ARIH2: variants seen among roughly 807,000 people sequenced by gnomAD.
ARIH2 encodes ariadne RBR E3 ubiquitin protein ligase 2, also known as E3 ubiquitin-protein ligase ARIH2.
Under a neutral mutation model 79.8 loss-of-function variants are expected in ARIH2, and 12 were observed. The ratio of observed to expected loss-of-function variants is 0.15; its 90% CI spans 0.10 to 0.24. The LOEUF (loss-of-function observed/expected upper bound fraction) is 0.24. ARIH2 is among the 10% of genes least tolerant of loss of function. ARIH2 has a pLI of 1.00. For synonymous variants in ARIH2, 224 were observed against 213.9 expected (o/e 1.05, Z -0.41); for missense variants, 301 against 618.3 (o/e 0.49, Z 5.44).
At chr3:48,942,737 C>T (rs576630887) in intron 3 of ARIH2, among the ~76,000 whole-genome samples, 15 of 151,514 alleles carry the variant, frequency 9.9e-5, no homozygotes, top group South Asian at 2.1e-4. Flanking sequence ...CTGCAACCTC[C>T]GCCTCCCAGG....
At chr3:48,933,749 C>T (rs1349935268) in intron 3 of ARIH2, among the ~76,000 whole-genome samples, 1 of 151,490 alleles carries the variant, frequency 6.6e-6, no homozygotes, top group East Asian at 1.9e-4. Flanking sequence ...GACGGGCTTT[C>T]ACCTTGTTTG....
chr3:48,927,961 G>T, intron 3 of ARIH2, 148 bp downstream of exon 3: 1 of 983,560 alleles, frequency 1.0e-6, no homozygotes, highest in Non-Finnish European at 1.5e-6. Flanking sequence ...TGGACATTTT[G>T]TTACATTTAC....
chr3:48,961,597 C>A lies in ARIH2; in HGVS notation c.256-15C>A, dbSNP rs755186223. ...ATGCAGTTATAATTCGATTTTTTTT[C>A]TTTCTTCTTTCTAGGTATCTCATTC... On this transcript the variant is annotated splice_polypyrimidine_tract_variant and intron_variant, in intron 3 of 15. Transcript: ENST00000356401. The A allele has an allele frequency of 3.3e-6, 5 of 1,536,508 alleles. No homozygotes were observed. The highest frequency in any genetic ancestry group is 2.3e-5 in the East Asian group (1 of 44,418).
intron 2 of ARIH2, among the ~76,000 whole-genome samples, chr3:48,926,257 G>C (rs994174661): frequency 3.3e-5 from 5 of 151,238 alleles, no homozygotes; most frequent in Admixed American, 2.6e-4. Context: ...GTGTGTGTGT[G>C]TGTGTGTGTA....
rs1385462870 is a variant in ARIH2 at position 48,985,424 on chromosome 3, T to C, written c.*2154T>C. On this transcript the variant is annotated 3_prime_UTR_variant, in exon 16 of 16. Coordinates refer to ENST00000356401, the MANE Select transcript of ARIH2 (RefSeq NM_006321.4). Reference sequence around the variant, plus strand: ...GTGGAAGAGAAAGGACACAGTATTTTCATGAATTTACCATATATCTTTGTT... The same window carrying C: ...GTGGAAGAGAAAGGACACAGTATTTCCATGAATTTACCATATATCTTTGTT... 6.6e-6 allele frequency: 1 copy of C among 152,246 alleles called. No individual in the cohort carries two copies. Among genetic ancestry groups the C allele is most frequent in the South Asian group, 2.1e-4 (1 of 4,834 alleles). 9.4% of individuals were successfully genotyped at this position (152,246 alleles called of 1,614,324 possible). A position where few individuals can be genotyped will look rare whatever the true frequency, so the allele number is the denominator to read the frequency against.
chr3:48,981,428 GATA>G (rs2092748556), intron 13 of ARIH2, among the ~76,000 whole-genome samples: 1 of 152,128 alleles, frequency 6.6e-6, no homozygotes, highest in African/African-American at 2.4e-5. Context: ...GGCAGCTGCT[GATA>G]ATCAGTTTGT....
chr3:48,918,856 G>T lies in ARIH2; in HGVS notation c.-304G>T, dbSNP rs757115126. 3.7e-6 allele frequency: 6 copies of T among 1,610,838 alleles called. No individual in the cohort carries two copies. The highest frequency in any genetic ancestry group is 1.3e-5 in the African/African-American group (1 of 75,058). ...CAAGCACTTCCGGAGCTGTGGGGAC[G>T]ACTCTTCTGGAGGAAGCAGCGCGGG... On this transcript the variant is annotated 5_prime_UTR_variant, in exon 1 of 16. Transcript: ENST00000356401.
intron 6 of ARIH2, chr3:48,968,085 A>T (rs1414442742): frequency 1.3e-5 from 2 of 155,006 alleles, no homozygotes; most frequent in African/African-American, 4.9e-5. Context: ...CCCAGGCTGG[A>T]GTACAATTGC....
intron 3 of ARIH2, among the ~76,000 whole-genome samples, chr3:48,956,863 C>T (rs1034162122): frequency 6.3e-4 from 96 of 152,164 alleles, no homozygotes; most frequent in African/African-American, 1.9e-3. Flanking sequence ...CCCGCCACTA[C>T]GCCCAGCTAA....
intron 3 of ARIH2, among the ~76,000 whole-genome samples, chr3:48,940,592 G>T (rs549809187): frequency 1.3e-5 from 2 of 151,922 alleles, no homozygotes; most frequent in Admixed American, 6.6e-5. Flanking sequence ...AGTTCCACCA[G>T]CCTGGCCAAC....
In ARIH2 at chr3:48,983,500, T is replaced by A. The variant is rs1371878935; in HGVS notation, c.*230T>A. 1.8e-6 allele frequency: 1 copy of A among 565,602 alleles called. No individual in the cohort carries two copies. The highest frequency in any genetic ancestry group is 3.1e-6 in the Non-Finnish European group (1 of 318,684). 35.0% of individuals were successfully genotyped at this position (565,602 alleles called of 1,614,324 possible). Reference sequence around the variant, plus strand: ...ACTGGCCTCTTTTCAGGACTTTTATTTCCCCCTGGATGGTTGTTGGGAGGG... The same window carrying A: ...ACTGGCCTCTTTTCAGGACTTTTATATCCCCCTGGATGGTTGTTGGGAGGG... On this transcript the variant is annotated 3_prime_UTR_variant, in exon 16 of 16. Coordinates refer to ENST00000356401, the MANE Select transcript of ARIH2 (RefSeq NM_006321.4).
chr3:48,919,219 C>T, intron 1 of ARIH2: 1 of 1,266,922 alleles, frequency 7.9e-7, no homozygotes, highest in Non-Finnish European at 1.0e-6. Flanking sequence ...TCTCAGCTCT[C>T]GGAAAGGTCA....
chr3:48,960,400 A>G (rs991792781), intron 3 of ARIH2, among the ~76,000 whole-genome samples: 2 of 151,956 alleles, frequency 1.3e-5, no homozygotes, highest in Non-Finnish European at 2.9e-5. Context: ...TGCAATGATC[A>G]TGCCTGTGAA....
intron 5 of ARIH2, 73 bp from the exon 6 acceptor site, chr3:48,967,052 G>A (rs932972318): frequency 5.9e-5 from 89 of 1,502,744 alleles, no homozygotes; most frequent in Non-Finnish European, 7.4e-5. Flanking sequence ...CCATGCACCC[G>A]GCTGCATGAG....
At chr3:48,965,530 T>C (rs2091701314) in intron 5 of ARIH2, among the ~76,000 whole-genome samples, 1 of 152,198 alleles carries the variant, frequency 6.6e-6, no homozygotes. Context: ...CTCTGCACTT[T>C]CAGCCTGCAC....
intron 3 of ARIH2, among the ~76,000 whole-genome samples, chr3:48,956,143 C>CTT (rs879476262): frequency 2.1e-5 from 3 of 145,226 alleles, no homozygotes; most frequent in Non-Finnish European, 3.0e-5. Flanking sequence ...ATCTCCTTTA[C>CTT]TTTTTTTTTT....
At chr3:48,976,159 A>C (rs1559854448) in intron 11 of ARIH2, among the ~76,000 whole-genome samples, 1 of 147,268 alleles carries the variant, frequency 6.8e-6, no homozygotes, top group Non-Finnish European at 1.5e-5. Flanking sequence ...TGATCCGCCT[A>C]CCTTGGCCTC....
At chr3:48,950,113 A>C (rs1257832518) in intron 3 of ARIH2, among the ~76,000 whole-genome samples, 5 of 152,160 alleles carry the variant, frequency 3.3e-5, no homozygotes, top group Non-Finnish European at 5.9e-5. Flanking sequence ...GGTATGAAGT[A>C]ATGGTCTGTG....
intron 7 of ARIH2, 72 bp downstream of exon 7, chr3:48,968,727 T>C (rs2091972197): frequency 1.3e-6 from 2 of 1,555,608 alleles, no homozygotes; most frequent in Non-Finnish European, 1.7e-6. Flanking sequence ...CACAGTTACT[T>C]ACTTTGTAGA....
Sources: allele counts gnomAD v4.1 joint callset (sites outside exome capture counted in the v4.1 genomes callset), GRCh38; gene constraint gnomAD v4.1.1; transcripts MANE v1.5; gene names NCBI Gene and HGNC (gene_info 2026-07-23, HGNC 2026-07-21).